Variants in HEATR4 observed in about 807,000 individuals in gnomAD.
HEATR4 encodes HEAT repeat-containing protein 4.
HEATR4 carries 95 observed loss-of-function variants against 108.8 expected under a neutral mutation model. The observed-to-expected ratio is 0.87, with a 90% CI of 0.74 to 1.04. The LOEUF (loss-of-function observed/expected upper bound fraction) is 1.04. HEATR4 is among the 50% of genes least tolerant of loss of function. HEATR4 has a pLI of 0.00. For missense variants in HEATR4, 1,152 were observed against 1,253.8 expected (o/e 0.92, Z 1.23); for synonymous variants, 443 against 459.4 (o/e 0.96, Z 0.46).
chr14:73,557,550 C>T (rs371644912), intron 1 of HEATR4, among the ~76,000 whole-genome samples: 1 of 76,874 alleles, frequency 1.3e-5, no homozygotes, highest in African/African-American at 4.2e-5. Context: ...AAGCAATAAG[C>T]CTTAGTATCA....
At chr14:73,610,219 C>A in the HEATR4 span, among the ~76,000 whole-genome samples, 1 of 151,850 alleles carries the variant, frequency 6.6e-6, no homozygotes, top group African/African-American at 2.4e-5. Flanking sequence ...TAGTAGTCTC[C>A]TGGGCCTAAT....
intron 10 of HEATR4, 53 bp downstream of exon 10, chr14:73,506,414 G>T (rs1316762044): frequency 3.0e-6 from 4 of 1,332,670 alleles, no homozygotes; most frequent in Non-Finnish European, 2.2e-6. Flanking sequence ...GAAGGCCTCT[G>T]TAGCTCAGCC....
intron 17 of HEATR4, among the ~76,000 whole-genome samples, chr14:73,481,463 C>G (rs982756406): frequency 6.6e-6 from 1 of 151,688 alleles, no homozygotes; most frequent in African/African-American, 2.4e-5. Context: ...ATATGTATTG[C>G]TAGGTGAAAG....
At chr14:73,576,425 T>G in the HEATR4 span, among the ~76,000 whole-genome samples, 1 of 152,022 alleles carries the variant, frequency 6.6e-6, no homozygotes. Context: ...ACATATGGAC[T>G]TTTAGGATTT....
chr14:73,567,043 A>G, the HEATR4 span, among the ~76,000 whole-genome samples: 4 of 151,662 alleles, frequency 2.6e-5, no homozygotes, highest in African/African-American at 7.3e-5. Flanking sequence ...TCCTGACCTC[A>G]TGATCCACCC....
chr14:73,488,363 C>T (rs559093240), intron 17 of HEATR4, among the ~76,000 whole-genome samples: 5 of 152,198 alleles, frequency 3.3e-5, no homozygotes, highest in East Asian at 1.9e-4. Flanking sequence ...CTCCACTTCC[C>T]GGGTTCATGC....
chr14:73,592,403 C>T, the HEATR4 span: 1 of 1,531,578 alleles, frequency 6.5e-7, no homozygotes. Context: ...GCGCCACGCT[C>T]TTCCTGCCGC....
intron 1 of HEATR4, among the ~76,000 whole-genome samples, chr14:73,538,516 G>C (rs1888955983): frequency 9.1e-6 from 1 of 110,060 alleles, no homozygotes; most frequent in African/African-American, 3.0e-5. Context: ...GGGACGCTGA[G>C]GCAGAAGAAT....
the HEATR4 span, among the ~76,000 whole-genome samples, chr14:73,623,680 A>C: frequency 2.6e-5 from 4 of 152,050 alleles, no homozygotes; most frequent in African/African-American, 9.7e-5. Flanking sequence ...TGTCTCTAAA[A>C]AATAAAGAGA....
chr14:73,491,072 C>G (rs770805382), intron 17 of HEATR4: 5 of 1,594,832 alleles, frequency 3.1e-6, no homozygotes, highest in Non-Finnish European at 3.4e-6. Flanking sequence ...GCCGAAGCGC[C>G]GGCGCAAGCC....
chr14:73,540,742 C>CTTTT (rs200357086), intron 1 of HEATR4, among the ~76,000 whole-genome samples: 77 of 81,184 alleles, frequency 9.5e-4, no homozygotes, highest in African/African-American at 2.9e-3. Context: ...TGTTTGCATT[C>CTTTT]TTTTTTTTTT....
the HEATR4 span, chr14:73,595,558 T>C: frequency 6.2e-7 from 1 of 1,602,876 alleles, no homozygotes; most frequent in East Asian, 2.2e-5. Context: ...AGCCCAGGGC[T>C]CATTCTAAGG....
intron 3 of HEATR4, 36 bp downstream of exon 3, chr14:73,522,235 AT>A: frequency 6.3e-7 from 1 of 1,587,462 alleles, no homozygotes. Context: ...GGAGTCAGGG[AT>A]TATCAAAGGT....
At chr14:73,612,563 CA>C in the HEATR4 span, 9 of 1,374,448 alleles carry the variant, frequency 6.5e-6, no homozygotes, top group Non-Finnish European at 8.5e-6. Flanking sequence ...CTGTTCTACC[CA>C]GATTGGGATG....
At position 73,498,352 on chromosome 14, in the gene HEATR4, G is replaced by A; in HGVS notation, c.2357-8C>T. 1 of 1,579,622 alleles carries A rather than the reference G, an allele frequency of 6.3e-7. No homozygotes were observed. On this transcript the variant is annotated splice_region_variant and splice_polypyrimidine_tract_variant and intron_variant, in intron 13 of 17. Transcript: ENST00000553558. Reference sequence around the variant, plus strand: ...GCCCAATCTGTCCCAAAGCTGCAGAGATTAGAGGGCAGCATGTCACTGAAG... The same window carrying A: ...GCCCAATCTGTCCCAAAGCTGCAGAAATTAGAGGGCAGCATGTCACTGAAG...
chr14:73,606,387 A>C, the HEATR4 span, among the ~76,000 whole-genome samples: 95 of 62,258 alleles, frequency 1.5e-3, no homozygotes, highest in Non-Finnish European at 2.9e-3. Context: ...AACAAAACAA[A>C]AAAAAAAAAA....
chr14:73,539,912 T>C (rs1295585892), intron 1 of HEATR4: 1 of 116,204 alleles, frequency 8.6e-6, no homozygotes, highest in Non-Finnish European at 1.9e-5. Context: ...TAAATTAGCA[T>C]TTACAATAGG....
At chr14:73,479,279 C>A (rs1360434196) in intron 17 of HEATR4, among the ~76,000 whole-genome samples, 1 of 151,918 alleles carries the variant, frequency 6.6e-6, no homozygotes, top group African/African-American at 2.4e-5. Flanking sequence ...CCACGCCCAG[C>A]TAATTTTTTG....
chr14:73,545,784 T>C (rs1889220881), intron 1 of HEATR4, among the ~76,000 whole-genome samples: 1 of 108,890 alleles, frequency 9.2e-6, no homozygotes, highest in African/African-American at 3.0e-5. Context: ...GCTGAAGCCC[T>C]TTTGAGACCT....
Sources: gnomAD v4.1 joint callset for allele counts (sites outside exome capture counted in the v4.1 genomes callset) on GRCh38, gnomAD v4.1.1 for gene constraint, MANE v1.5 for transcripts, NCBI Gene and HGNC (gene_info 2026-07-23, HGNC 2026-07-21) for gene names.